Variants in KRT7 observed in about 807,000 individuals in gnomAD.
The protein encoded by KRT7 is keratin, type II cytoskeletal 7.
KRT7 carries 50 observed loss-of-function variants against 42.8 expected under a neutral mutation model. That is an observed-to-expected ratio of 1.17 (90% CI 0.93 to 1.48). The LOEUF (loss-of-function observed/expected upper bound fraction) is 1.48. Ranked by LOEUF, KRT7 falls within the 40% of genes most tolerant of loss-of-function variation. The pLI is 0.00. For missense variants in KRT7, 588 were observed against 637.6 expected (o/e 0.92, Z 0.84); for synonymous variants, 268 against 266.3 (o/e 1.01, Z -0.06).
At chr12:52,252,269 C>T (rs559983212), downstream of KRT7, 214 of 1,613,050 alleles carry the variant, frequency 1.3e-4, no homozygotes, top group South Asian at 2.2e-3. Context: ...CACCTCTGCT[C>T]CTCGCCCTCC....
chr12:52,254,907 G>C (rs1335957665), downstream of KRT7, among the ~76,000 whole-genome samples: 1 of 152,370 alleles, frequency 6.6e-6, no homozygotes, highest in South Asian at 2.1e-4. Context: ...ACAGAGTCAA[G>C]TCTAAGAGGC....
chr12:52,238,613 C>A (rs1052273472), intron 3 of KRT7, 67 bp from the exon 4 acceptor site: 9 of 960,882 alleles, frequency 9.4e-6, no homozygotes, highest in Non-Finnish European at 1.5e-5. Flanking sequence ...CCTGCTTCCA[C>A]CCCTACTAAA....
rs781256971 is a variant in KRT7, at chr12:52,237,570, G to T, written c.597+1G>T. 2 of 1,607,736 alleles carry T rather than the reference G, an allele frequency of 1.2e-6. No individual in the cohort carries two copies. The highest frequency in any genetic ancestry group is 3.4e-5 in the Admixed American group (2 of 59,328). ...GAATGAGTTTGTGGTGCTGAAGAAGGTGAGTGGGAAAGACAGGCTCGAGGA... is the reference window on the plus strand; with the variant it reads ...GAATGAGTTTGTGGTGCTGAAGAAGTTGAGTGGGAAAGACAGGCTCGAGGA... On this transcript the variant is annotated splice_donor_variant, in intron 3 of 8. Coordinates refer to ENST00000331817, the MANE Select transcript of KRT7 (RefSeq NM_005556.4). LOFTEE classifies it high-confidence loss of function.
At chr12:52,250,609 C>G (rs558205029), downstream of KRT7, 37 of 1,083,166 alleles carry the variant, frequency 3.4e-5, no homozygotes, top group Non-Finnish European at 1.1e-5. Flanking sequence ...CACAGGTCCC[C>G]GCATAAGACC....
Position 52,233,396 on chromosome 12 carries a change from C to A in KRT7, c.100C>A (p.Leu34Ile). The change falls in exon 1 of 9, where the codon CTT (leucine) becomes ATT (isoleucine). Residue 34 changes from leucine (L) to isoleucine (I), a missense_variant. Transcript: ENST00000331817. ...VRLSSARPGGLGSSSLYGLGA... is the reference protein window; with the variant it reads ...VRLSSARPGGIGSSSLYGLGA... Reference sequence around the variant, plus strand: ...CCTGAGCTCCGCTCGCCCCGGCGGCCTTGGCAGCAGCAGCCTCTACGGCCT... The same window carrying A: ...CCTGAGCTCCGCTCGCCCCGGCGGCATTGGCAGCAGCAGCCTCTACGGCCT... 6.4e-7 allele frequency: 1 copy of A among 1,565,736 alleles called. No homozygotes were observed. The highest frequency in any genetic ancestry group is 8.6e-7 in the Non-Finnish European group (1 of 1,162,250).
At position 52,241,456 on chromosome 12, in the gene KRT7, C is replaced by T. The variant is rs370782934; in HGVS notation, c.694-16C>T. 23 of 1,596,468 alleles carry T rather than the reference C, an allele frequency of 1.4e-5. 1 individual carries two copies. Among genetic ancestry groups the T allele is most frequent in the African/African-American group, 5.4e-5 (4 of 74,418 alleles). On this transcript the variant is annotated splice_polypyrimidine_tract_variant and intron_variant, in intron 4 of 8. Coordinates refer to ENST00000331817, the MANE Select transcript of KRT7 (RefSeq NM_005556.4). ...GATCCTGCCCTAAGTCCTGATGTCC[C>T]GTCTGGTCCCTACAGGAGTTGACAG... is the stretch of plus-strand genomic sequence containing the variant.
chr12:52,248,848 A>T lies in KRT7; in HGVS notation c.*88A>T. ...TGCCTCCCATGCCTGGTCCCAAGAC[A>T]GTGAGACAGTCTGGAAAGTGATGTC... On this transcript the variant is annotated 3_prime_UTR_variant, in exon 9 of 9. Transcript: ENST00000331817. 1 of 1,290,884 alleles carries T rather than the reference A, an allele frequency of 7.7e-7. No individual in the cohort carries two copies. Among genetic ancestry groups the T allele is most frequent in the Non-Finnish European group, 1.0e-6 (1 of 972,300 alleles). The allele number at this position is 1,290,884 out of a possible 1,614,324, so 80.0% of individuals were successfully genotyped here. A position where few individuals can be genotyped will look rare whatever the true frequency, so the allele number is the denominator to read the frequency against.
chr12:52,245,545 G>T lies in KRT7; in HGVS notation c.1118G>T (p.Arg373Leu), dbSNP rs150513223. The change falls in exon 7 of 9, where the codon CGT (arginine) becomes CTT (leucine). Residue 373 changes from arginine to leucine, a missense_variant. Arg to Leu is a moderately radical substitution (Grantham distance 102, BLOSUM62 -2). Coordinates refer to ENST00000331817, the MANE Select transcript of KRT7 (RefSeq NM_005556.4). ...RGKQDMARQL[R>L]EYQELMSVKL... ...AAGCAGGATATGGCACGGCAGCTGCGTGAGTACCAGGAACTCATGAGCGTG... is the reference window on the plus strand; with the variant it reads ...AAGCAGGATATGGCACGGCAGCTGCTTGAGTACCAGGAACTCATGAGCGTG... 8 of 1,614,168 alleles carry T rather than the reference G, an allele frequency of 5.0e-6. No homozygotes were observed. The highest frequency in any genetic ancestry group is 1.7e-4 in the Middle Eastern group (1 of 6,024).
In KRT7 at chr12:52,233,745, A is replaced by C. The variant is rs1373254141; in HGVS notation, c.324+125A>C. 3.2e-6 allele frequency: 3 copies of C among 947,248 alleles called. No homozygotes were observed. In the East Asian group the frequency reaches 7.3e-5, roughly 23 times the overall value. The allele number at this position is 947,248 out of a possible 1,614,324, so 58.7% of individuals were successfully genotyped here. ...ACTGCCGCCCTTCTGTCTTTCCGCC[A>C]GTGTTGGGGACACGATCTGGGGGTC... On this transcript the variant is annotated intron_variant, in intron 1 of 8. Coordinates refer to ENST00000331817, the MANE Select transcript of KRT7 (RefSeq NM_005556.4).
downstream of KRT7, among the ~76,000 whole-genome samples, chr12:52,254,893 T>C (rs1942317919): frequency 6.6e-6 from 1 of 152,208 alleles, no homozygotes; most frequent in African/African-American, 2.4e-5. Context: ...GTCCAGGCAC[T>C]TGTACAGAGT....
downstream of KRT7, chr12:52,252,551 A>G: frequency 6.4e-7 from 1 of 1,557,644 alleles, no homozygotes; most frequent in Non-Finnish European, 8.7e-7. Context: ...GTAACCACTG[A>G]CCACTGACTA....
chr12:52,233,736 C>G, intron 1 of KRT7, 116 bp downstream of exon 1: 1 of 1,028,948 alleles, frequency 9.7e-7, no homozygotes, highest in East Asian at 2.4e-5. Context: ...GCCCTTCTGT[C>G]TTTCCGCCAG....
At chr12:52,252,499 G>T (rs774596717), downstream of KRT7, 7 of 1,610,816 alleles carry the variant, frequency 4.3e-6, no homozygotes, top group Non-Finnish European at 5.1e-6. Flanking sequence ...GCAAGGGAGG[G>T]TTATTAAGGA....
chr12:52,235,159 G>A lies in KRT7; in HGVS notation c.329G>A (p.Arg110Gln), dbSNP rs766682753. 5.3e-5 allele frequency: 85 copies of A among 1,613,892 alleles called. 1 individual carries two copies. The South Asian group carries it at 6.7e-4, about 13-fold the overall frequency. ...CCTCCTTCTCGCCCGTTCTAGGTGC[G>A]GTTTCTGGAGCAGCAGAACAAGCTG... ...NKFASFIDKV[R>Q]FLEQQNKLLE... The change falls in exon 2 of 9, where the codon CGG (arginine) becomes CAG (glutamine). Residue 110 changes from arginine (R) to glutamine (Q), a missense_variant. Physicochemically the swap from Arg to Gln is conservative, Grantham distance 43. Coordinates refer to ENST00000331817, the MANE Select transcript of KRT7 (RefSeq NM_005556.4).
downstream of KRT7, chr12:52,253,128 C>T (rs1942291557): frequency 7.8e-7 from 1 of 1,280,092 alleles, no homozygotes; most frequent in African/African-American, 1.5e-5. Context: ...TCCCCACACA[C>T]TGGCAAGGGG....
intron 1 of KRT7, among the ~76,000 whole-genome samples, chr12:52,234,136 G>GGGCTCCC (rs1555181968): frequency 6.9e-6 from 1 of 144,042 alleles, no homozygotes; most frequent in Non-Finnish European, 1.5e-5. Flanking sequence ...GAGGGGGGGG[G>GGGCTCCC]GCTCCCGCCC....
downstream of KRT7, among the ~76,000 whole-genome samples, chr12:52,249,717 G>A (rs1942233914): frequency 6.6e-6 from 1 of 152,154 alleles, no homozygotes; most frequent in African/African-American, 2.4e-5. Context: ...GATGGGTACT[G>A]TGGAGCCACA....
chr12:52,250,761 C>A (rs1942253771), downstream of KRT7: 1 of 410,820 alleles, frequency 2.4e-6, no homozygotes, highest in African/African-American at 2.1e-5. Flanking sequence ...CTCCTTCCTG[C>A]AGTCTTAGCC....
At position 52,243,062 on chromosome 12, in the gene KRT7, T is replaced by C; in HGVS notation, c.909T>C (p.Asn303=). ...QAGKHGDDLR[N]TRNEISEMNR... is the part of the protein sequence containing the mutation. ...GGAAGCATGGGGACGACCTCCGGAA[T>C]ACCCGGAATGAGATTTCAGAGATGA... is the stretch of plus-strand genomic sequence containing the variant. The change falls in exon 6 of 9, where the codon AAT becomes AAC. Residue 303 remains asparagine (N), a synonymous_variant. Coordinates refer to ENST00000331817, the MANE Select transcript of KRT7 (RefSeq NM_005556.4). 6.2e-7 allele frequency: 1 copy of C among 1,613,906 alleles called. No individual in the cohort carries two copies. Among genetic ancestry groups the C allele is most frequent in the African/African-American group, 1.3e-5 (1 of 75,010 alleles).
Sources: allele counts gnomAD v4.1 joint callset (sites outside exome capture counted in the v4.1 genomes callset), GRCh38; gene constraint gnomAD v4.1.1; transcripts MANE v1.5; gene names NCBI Gene and HGNC (gene_info 2026-07-23, HGNC 2026-07-21).